DEFB134: variants seen among roughly 807,000 people sequenced by gnomAD.
The protein encoded by DEFB134 is defensin beta 134.
Under a neutral mutation model 7.4 loss-of-function variants are expected in DEFB134, and 7 were observed. The ratio of observed to expected loss-of-function variants is 0.95; its 90% CI spans 0.54 to 1.79. The LOEUF is 1.79. Ranked by LOEUF, DEFB134 falls within the 40% of genes most tolerant of loss-of-function variation. The probability of loss-of-function intolerance (pLI) is 0.00; values close to 1 mark genes in which losing one functional copy is unlikely to be tolerated. For missense variants in DEFB134, 105 were observed against 74.8 expected, an observed-to-expected ratio of 1.40 and a Z score of -1.49; for synonymous variants, 33 against 25.0, an observed-to-expected ratio of 1.32 and a Z score of -0.96.
intron 1 of DEFB134, 136 bp downstream of exon 2, chr8:11,996,058 G>A: frequency 9.9e-7 from 1 of 1,014,626 alleles, no homozygotes; most frequent in Non-Finnish European, 1.5e-6. Flanking sequence ...AGGTCTTGCT[G>A]ACATCAAAAC....
At chr8:11,996,089 C>T in intron 1 of DEFB134, 105 bp downstream of exon 2, 1 of 1,379,416 alleles carries the variant, frequency 7.2e-7, no homozygotes, top group Admixed American at 2.1e-5. Flanking sequence ...TTTTTTCTAG[C>T]TTGAAAATTA....
At chr8:11,994,065 C>G (rs768889946) in exon 2 of DEFB134, 32 of 1,613,732 alleles carry the variant, frequency 2.0e-5, no homozygotes, top group Non-Finnish European at 2.7e-5. Context: ...GCATTCAAGT[C>G]TGCAGATGCC....
upstream of DEFB134, among the ~76,000 whole-genome samples, chr8:11,997,863 A>C (rs1021345623): frequency 6.6e-6 from 1 of 152,216 alleles, no homozygotes; most frequent in African/African-American, 2.4e-5. Context: ...ACACTTGACC[A>C]AATGGACTTA....
chr8:11,993,906 T>A, exon 2 of DEFB134: 1 of 1,560,706 alleles, frequency 6.4e-7, no homozygotes, highest in Non-Finnish European at 8.6e-7. Context: ...CAGTTTGATC[T>A]AAATTCCCTG....
At chr8:11,995,426 A>G (rs1800092546) in intron 1 of DEFB134, among the ~76,000 whole-genome samples, 2 of 152,218 alleles carry the variant, frequency 1.3e-5, no homozygotes. Context: ...AACCAATCTG[A>G]CTGGACTGAT....
chr8:11,995,303 G>A (rs1023211486), intron 1 of DEFB134, among the ~76,000 whole-genome samples: 2 of 152,162 alleles, frequency 1.3e-5, no homozygotes, highest in African/African-American at 4.8e-5. Context: ...GCTTTAAGAG[G>A]CCTTGATCCC....
At chr8:11,994,187 C>A in intron 1 of DEFB134, 65 bp from the exon 3 acceptor site, 1 of 1,525,874 alleles carries the variant, frequency 6.6e-7, no homozygotes, top group South Asian at 1.3e-5. Flanking sequence ...AATTGCTAGT[C>A]CCTCAATTTT....
In DEFB134 at chr8:11,994,141, G is replaced by A. The variant is rs910980013; in HGVS notation, c.59-19C>T. ...TTTATACCTGGAAGGAAAATGAATA[G>A]AAAGATAATTCACTACAGGCCTTTT... On this transcript the variant is annotated intron_variant, in intron 1 of 1. Coordinates refer to ENST00000526438, the Ensembl canonical transcript of DEFB134. 2 of 1,606,246 alleles carry A rather than the reference G, an allele frequency of 1.2e-6. No homozygotes were observed. Among genetic ancestry groups the A allele is most frequent in the Non-Finnish European group, 8.5e-7 (1 of 1,177,430 alleles).
upstream of DEFB134, among the ~76,000 whole-genome samples, chr8:11,998,469 A>T (rs982022054): frequency 6.6e-5 from 10 of 151,910 alleles, no homozygotes; most frequent in Admixed American, 3.3e-4. Context: ...AATAAAAAAA[A>T]TAAAAAAGAG....
chr8:11,998,562 A>G (rs1294554886), upstream of DEFB134, among the ~76,000 whole-genome samples: 1 of 152,192 alleles, frequency 6.6e-6, no homozygotes, highest in Non-Finnish European at 1.5e-5. Context: ...AGGAACATTT[A>G]TAGCATGAAA....
exon 2 of DEFB134, chr8:11,993,950 A>G (rs370635321): frequency 5.6e-6 from 9 of 1,606,250 alleles, no homozygotes; most frequent in African/African-American, 1.3e-5. Context: ...AAGGGCCTAC[A>G]GGATAGTGGC....
At chr8:11,995,846 G>C (rs189663633) in intron 1 of DEFB134, among the ~76,000 whole-genome samples, 49 of 151,950 alleles carry the variant, frequency 3.2e-4, no homozygotes, top group Non-Finnish European at 5.6e-4. Context: ...TTCATATTAT[G>C]TATGGACATA....
chr8:11,998,811 A>T (rs1800193197), upstream of DEFB134, among the ~76,000 whole-genome samples: 1 of 152,176 alleles, frequency 6.6e-6, no homozygotes, highest in Non-Finnish European at 1.5e-5. Flanking sequence ...AGACTAAAAA[A>T]AGAAGATCCA....
exon 2 of DEFB134, chr8:11,994,095 T>C (rs1309030504): frequency 1.2e-6 from 2 of 1,613,276 alleles, no homozygotes; most frequent in Non-Finnish European, 1.7e-6. Flanking sequence ...GCATTTCTTG[T>C]GCATTTCTGA....
At chr8:11,996,355 G>T, upstream of DEFB134, 4 of 1,281,976 alleles carry the variant, frequency 3.1e-6, no homozygotes, top group Non-Finnish European at 4.5e-6. Context: ...ACCTCTCAGG[G>T]CTGGGGTATG....
chr8:11,994,605 A>G (rs1209349688), intron 1 of DEFB134, among the ~76,000 whole-genome samples: 1 of 152,246 alleles, frequency 6.6e-6, no homozygotes, highest in African/African-American at 2.4e-5. Context: ...TCGCAGCCCA[A>G]GCTGACTAAA....
At chr8:11,996,422 T>G (rs994464150), upstream of DEFB134, 1 of 526,920 alleles carries the variant, frequency 1.9e-6, no homozygotes. Context: ...GTGTTGGCAA[T>G]GCTCATCTGA....
At chr8:11,998,126 G>C (rs1159729888), upstream of DEFB134, among the ~76,000 whole-genome samples, 2 of 152,160 alleles carry the variant, frequency 1.3e-5, no homozygotes, top group Admixed American at 6.5e-5. Context: ...TTTGGGTAAA[G>C]GATAAAATTA....
At chr8:11,999,607 G>C (rs1380324476), upstream of DEFB134, 1 of 64,308 alleles carries the variant, frequency 1.6e-5, no homozygotes, top group Non-Finnish European at 4.7e-5. Flanking sequence ...CCAACTACCA[G>C]CAATTCGTGA....
Sources: gnomAD v4.1 joint callset for allele counts (sites outside exome capture counted in the v4.1 genomes callset) on GRCh38, gnomAD v4.1.1 for gene constraint, MANE v1.5 for transcripts, NCBI Gene and HGNC (gene_info 2026-07-23, HGNC 2026-07-21) for gene names.